The following TACC2 variants were observed in gnomAD, a reference collection of about 807,000 sequenced individuals.
The protein encoded by TACC2 is transforming acidic coiled-coil-containing protein 2.
A neutral mutation model predicts 227.3 loss-of-function variants in TACC2; 137 were observed. The observed-to-expected ratio is 0.60, with a 90% CI of 0.52 to 0.69. The LOEUF (loss-of-function observed/expected upper bound fraction) is 0.69, where lower values mean the gene tolerates loss of function less well. TACC2 is among the 30% of genes least tolerant of loss of function. TACC2 has a pLI of 0.00. For missense variants in TACC2, 3,470 were observed against 3,694.4 expected (o/e 0.94, Z 1.57); for synonymous variants, 1,523 against 1,487.5 (o/e 1.02, Z -0.55).
chr10:122,097,372 G>C lies in TACC2; in HGVS notation c.5573+8781G>C, dbSNP rs139351116. The stretch of plus-strand genomic sequence containing the variant: ...GGAAGAAGAAAAAGAAGAAGAGTTG[G>C]AGGAGGAGAAGGAGGAGAAAAGAAG... On this transcript the variant is annotated intron_variant, in intron 5 of 22. Coordinates refer to ENST00000369005, the MANE Select transcript of TACC2 (RefSeq NM_206862.4). Among the ~76,000 whole-genome samples, 983 of 152,146 alleles carry C rather than the reference G, an allele frequency of 6.5e-3. 12 individuals are homozygous for C. Among genetic ancestry groups the C allele is most frequent in the African/African-American group, 0.021 (882 of 41,516 alleles).
intron 7 of TACC2, among the ~76,000 whole-genome samples, chr10:122,173,907 A>G (rs1010725166): frequency 1.3e-5 from 2 of 152,162 alleles, no homozygotes; most frequent in African/African-American, 2.4e-5. Flanking sequence ...TCCAGGCTCC[A>G]TGACCTGGGG....
In TACC2 at chr10:122,249,061, G is replaced by A; in HGVS notation, c.8565G>A (p.Val2855=). 2 of 1,613,016 alleles carry A rather than the reference G, an allele frequency of 1.2e-6. No homozygotes were observed. The highest frequency in any genetic ancestry group is 1.1e-5 in the South Asian group (1 of 90,482). The part of the protein sequence containing the change: ...VLEGFRKNEE[V]LKRCAQEYLS... ...CCCTGCTGTGTCAGAATGAAGAGGT[G>A]TTGAAGAGATGTGCGCAGGAGTACC... The change falls in exon 21 of 23, where the codon GTG becomes GTA. Residue 2855 remains valine, a synonymous_variant. Coordinates refer to ENST00000369005, the MANE Select transcript of TACC2 (RefSeq NM_206862.4).
At chr10:122,091,005 G>A (rs2080752912) in intron 5 of TACC2, among the ~76,000 whole-genome samples, 1 of 152,164 alleles carries the variant, frequency 6.6e-6, no homozygotes, top group Non-Finnish European at 1.5e-5. Context: ...CTCCCAAAGT[G>A]CTGTGATTAC....
rs1438103579 is a variant in TACC2, at chr10:122,086,330, C to A, written c.3830C>A (p.Ala1277Asp). ...SPCPVGEPPL[A>D]LENAASLKLF... ...TGTCCTGTAGGGGAGCCCCCACTTGCCTTGGAAAATGCTGCCTCCTTGAAG... is the reference window on the plus strand; with the variant it reads ...TGTCCTGTAGGGGAGCCCCCACTTGACTTGGAAAATGCTGCCTCCTTGAAG... The change falls in exon 4 of 23, where the codon GCC (alanine) becomes GAC (aspartate). Residue 1277 changes from alanine (A) to aspartate (D), a missense_variant. Coordinates refer to ENST00000369005, the MANE Select transcript of TACC2 (RefSeq NM_206862.4). The A allele has an allele frequency of 1.9e-6, 3 of 1,613,748 alleles. No individual in the cohort carries two copies. Among genetic ancestry groups the A allele is most frequent in the Non-Finnish European group, 1.7e-6 (2 of 1,180,036 alleles).
At chr10:122,226,602 A>ATTTTT in intron 13 of TACC2, 121 bp downstream of exon 13, 1 of 464,226 alleles carries the variant, frequency 2.2e-6, no homozygotes, top group Non-Finnish European at 3.6e-6. Context: ...GACATGCCAC[A>ATTTTT]TATTTTTTTT....
At chr10:122,207,179 A>G (rs2095139836) in intron 8 of TACC2, among the ~76,000 whole-genome samples, 1 of 152,032 alleles carries the variant, frequency 6.6e-6, no homozygotes, top group South Asian at 2.1e-4. Flanking sequence ...CACACCTGTA[A>G]TCCCAGCTAC....
rs770836132 is a variant in TACC2, at chr10:122,084,077, T to A, written c.1577T>A (p.Val526Asp). The A allele has an allele frequency of 6.2e-7, 1 of 1,612,986 alleles. No homozygotes were observed. The highest frequency in any genetic ancestry group is 8.5e-7 in the Non-Finnish European group (1 of 1,179,676). ...CTTCCCAAGGAGCAAAGCCATGAGG[T>A]CCAACCAGGAGCACCACCCCCTCCT... Reference protein sequence around the residue: ...PPLPKEQSHEVQPGAPPPPLP... With the variant: ...PPLPKEQSHEDQPGAPPPPLP... The change falls in exon 4 of 23, where the codon GTC becomes GAC. Residue 526 changes from valine to aspartate, a missense_variant. Val to Asp is a radical substitution (Grantham distance 152, BLOSUM62 -3). Transcript: ENST00000369005.
chr10:122,084,490 G>A lies in TACC2; in HGVS notation c.1990G>A (p.Gly664Ser). The change falls in exon 4 of 23, where the codon GGT (glycine) becomes AGT (serine). Residue 664 changes from glycine (G) to serine (S), a missense_variant. This residue lies in a region of TACC2 where 1,924 missense variants were observed against 1,978.3 expected (regional missense o/e 0.97). Transcript: ENST00000369005. Reference sequence around the variant, plus strand: ...TGCATCTGGCCTACCACACAAGCTGGGTGAGGAGGACCCCGTCCTGCCCCC... The same window carrying A: ...TGCATCTGGCCTACCACACAAGCTGAGTGAGGAGGACCCCGTCCTGCCCCC... ...ADASGLPHKLGEEDPVLPPVP... is the reference protein window; with the variant it reads ...ADASGLPHKLSEEDPVLPPVP... The A allele has an allele frequency of 1.9e-6, 3 of 1,613,354 alleles. No homozygotes were observed. Among genetic ancestry groups the A allele is most frequent in the Non-Finnish European group, 8.5e-7 (1 of 1,180,016 alleles).
At chr10:122,200,612 C>G in intron 8 of TACC2, among the ~76,000 whole-genome samples, 1 of 138,198 alleles carries the variant, frequency 7.2e-6, no homozygotes. Flanking sequence ...GCCACATCTA[C>G]AGTGAGAGGA....
chr10:122,086,216 A>C lies in TACC2; in HGVS notation c.3716A>C (p.His1239Pro). The change falls in exon 4 of 23, where the codon CAT (histidine) becomes CCT (proline). Residue 1239 changes from histidine to proline, a missense_variant. This residue lies in a region of TACC2 where 1,924 missense variants were observed against 1,978.3 expected (regional missense o/e 0.97). Coordinates refer to ENST00000369005, the MANE Select transcript of TACC2 (RefSeq NM_206862.4). ...GCTGCTCCTGACACCCCTTACCTGC[A>C]TGTCGACAGTGCTGCCCAGAGAGGA... ...EVAAPDTPYL[H>P]VDSAAQRGAE... 1 of 1,613,824 alleles carries C rather than the reference A, an allele frequency of 6.2e-7. No individual in the cohort carries two copies. The highest frequency in any genetic ancestry group is 8.5e-7 in the Non-Finnish European group (1 of 1,180,024).
intron 19 of TACC2, chr10:122,248,415 C>G (rs2096177346): frequency 1.8e-6 from 1 of 566,576 alleles, no homozygotes; most frequent in Non-Finnish European, 3.1e-6. Flanking sequence ...TCATTTCTAC[C>G]TCACGCGAGG....
Position 122,148,564 on chromosome 10 carries a change from T to C in TACC2, c.5834+4858T>C, listed in dbSNP as rs139208434. Among the ~76,000 whole-genome samples, 17 of 152,372 alleles carry C rather than the reference T, an allele frequency of 1.1e-4. No individual in the cohort carries two copies. The East Asian group carries it at 3.3e-3, about 29-fold the overall frequency. On this transcript the variant is annotated intron_variant, in intron 7 of 22. Coordinates refer to ENST00000369005, the MANE Select transcript of TACC2 (RefSeq NM_206862.4). Reference sequence around the variant, plus strand: ...CCGCCATATCTGTGGCTTTGTCTTCTCTCTTTGGGTTTGGAGGGGAGCAGC... The same window carrying C: ...CCGCCATATCTGTGGCTTTGTCTTCCCTCTTTGGGTTTGGAGGGGAGCAGC...
chr10:121,996,494 G>T (rs1174401088), intron 1 of TACC2, among the ~76,000 whole-genome samples: 1 of 152,172 alleles, frequency 6.6e-6, no homozygotes, highest in Non-Finnish European at 1.5e-5. Flanking sequence ...CAATGCTGGG[G>T]ATCACATTTC....
At chr10:122,101,435 G>C (rs1255801129) in intron 5 of TACC2, among the ~76,000 whole-genome samples, 1 of 151,678 alleles carries the variant, frequency 6.6e-6, no homozygotes, top group African/African-American at 2.4e-5. Context: ...GAATGATTGT[G>C]TTTAGCTGGG....
chr10:122,016,080 G>A (rs2135427438), intron 1 of TACC2, among the ~76,000 whole-genome samples: 2 of 151,614 alleles, frequency 1.3e-5, no homozygotes, highest in East Asian at 3.9e-4. Flanking sequence ...GGGCAACATG[G>A]CGAAACCTCA....
Position 122,083,066 on chromosome 10 carries a change from CCTT to C in TACC2, c.569_571del (p.Phe190del), listed in dbSNP as rs749452283. On this transcript the variant is annotated inframe_deletion, in exon 4 of 23. Transcript: ENST00000369005. ...GAAGAAGGACAGAAGTCCTCCTTCT[CCTT>C]CTCCAGTGGCATCGACCAGTCACCT... 2.5e-6 allele frequency: 4 copies of C among 1,612,604 alleles called. No individual in the cohort carries two copies. The highest frequency in any genetic ancestry group is 8.5e-7 in the Non-Finnish European group (1 of 1,179,996).
chr10:122,215,495 G>A, intron 10 of TACC2, 44 bp downstream of exon 10: 1 of 1,562,826 alleles, frequency 6.4e-7, no homozygotes, highest in South Asian at 1.1e-5. Context: ...CCCCCCCCGG[G>A]GGAGGTTTTC....
intron 7 of TACC2, among the ~76,000 whole-genome samples, chr10:122,149,083 A>G (rs930987033): frequency 1.3e-5 from 2 of 152,316 alleles, no homozygotes; most frequent in Non-Finnish European, 2.9e-5. Flanking sequence ...GGGGTCTGAT[A>G]ATAAGAATTT....
chr10:122,201,220 C>T (rs1002079234), intron 8 of TACC2, among the ~76,000 whole-genome samples: 1 of 147,988 alleles, frequency 6.8e-6, no homozygotes, highest in Non-Finnish European at 1.5e-5. Context: ...GCCACCTCAC[C>T]CGCCCACAGT....
Sources: gnomAD v4.1 joint callset for allele counts (sites outside exome capture counted in the v4.1 genomes callset) on GRCh38, gnomAD v4.1.1 for gene constraint, gnomAD v4.1.1 regional missense constraint, MANE v1.5 for transcripts, NCBI Gene and HGNC (gene_info 2026-07-23, HGNC 2026-07-21) for gene names.